The following PJA2 variants were observed in gnomAD, a reference collection of about 807,000 sequenced individuals.
PJA2 encodes praja ring finger ubiquitin ligase 2, also known as E3 ubiquitin-protein ligase Praja-2.
A neutral mutation model predicts 69.3 loss-of-function variants in PJA2; 25 were observed. The ratio of observed to expected loss-of-function variants is 0.36; its 90% CI spans 0.26 to 0.50. The LOEUF (loss-of-function observed/expected upper bound fraction) is 0.50, where lower values mean the gene tolerates loss of function less well. PJA2 is among the 20% of genes least tolerant of loss of function. PJA2 has a pLI of 0.96. For synonymous variants in PJA2, 308 were observed against 277.8 expected (o/e 1.11, Z -1.08); for missense variants, 809 against 830.2 (o/e 0.97, Z 0.31).
chr5:109,384,278 C>T (rs1017947974), intron 1 of PJA2, among the ~76,000 whole-genome samples: 2 of 151,880 alleles, frequency 1.3e-5, no homozygotes, highest in African/African-American at 4.9e-5. Context: ...TGTGTAATGG[C>T]TTATAACAAT....
chr5:109,401,802 TTTTAA>T (rs1747558744), intron 1 of PJA2, among the ~76,000 whole-genome samples: 1 of 152,192 alleles, frequency 6.6e-6, no homozygotes, highest in Non-Finnish European at 1.5e-5. Context: ...AGAAAATCAA[TTTTAA>T]TTTAACTTGT....
intron 1 of PJA2, among the ~76,000 whole-genome samples, chr5:109,404,216 T>C (rs983098800): frequency 1.3e-5 from 2 of 151,696 alleles, no homozygotes; most frequent in East Asian, 2.0e-4. Flanking sequence ...AAGTGGCTTA[T>C]AAACAACAGA....
intron 6 of PJA2, among the ~76,000 whole-genome samples, chr5:109,360,462 CA>C (rs201735026): frequency 2.0e-5 from 3 of 150,446 alleles, no homozygotes; most frequent in Admixed American, 1.3e-4. Flanking sequence ...AGTGGCAAAA[CA>C]AAAAAAAATG....
At position 109,335,522 on chromosome 5, in the gene PJA2, G is replaced by C. The variant is rs751024609; in HGVS notation, c.*1709C>G. The C allele has an allele frequency of 6.6e-6, 1 of 152,136 alleles. No homozygotes were observed. The highest frequency in any genetic ancestry group is 2.4e-5 in the African/African-American group (1 of 41,436). 9.4% of individuals were successfully genotyped at this position (152,136 alleles called of 1,614,324 possible). ...TTATTATAGAGAAATCTTTAGCAAC[G>C]TAAGTTTAACCAGTAAGTGTCACAA... On this transcript the variant is annotated 3_prime_UTR_variant, in exon 10 of 10. Transcript: ENST00000361189.
Position 109,373,995 on chromosome 5 carries a change from A to G in PJA2, c.1283+4209T>C, listed in dbSNP as rs189717434. Among the ~76,000 whole-genome samples the G allele has an allele frequency of 3.9e-5, 6 of 152,312 alleles. No individual in the cohort carries two copies. In the East Asian group the frequency reaches 1.2e-3, roughly 29 times the overall value. Reference sequence around the variant, plus strand: ...TCACAGCCACAAGAAACTCAACTACAGGAGCCTAGGAAAAAGTGAAATTTT... The same window carrying G: ...TCACAGCCACAAGAAACTCAACTACGGGAGCCTAGGAAAAAGTGAAATTTT... On this transcript the variant is annotated intron_variant, in intron 4 of 9. Transcript: ENST00000361189.
chr5:109,377,600 T>C (rs1026248009), intron 4 of PJA2, among the ~76,000 whole-genome samples: 11 of 152,198 alleles, frequency 7.2e-5, no homozygotes, highest in African/African-American at 2.7e-4. Flanking sequence ...GCTCTACCAT[T>C]AAGTTGCTCT....
intron 4 of PJA2, among the ~76,000 whole-genome samples, chr5:109,371,657 CAT>C (rs1297988488): frequency 1.3e-5 from 2 of 152,198 alleles, no homozygotes; most frequent in Non-Finnish European, 2.9e-5. Context: ...CTTCAATTTA[CAT>C]ATCAAACAGT....
intron 5 of PJA2, among the ~76,000 whole-genome samples, chr5:109,367,196 C>G (rs1360552825): frequency 6.7e-6 from 1 of 148,976 alleles, no homozygotes; most frequent in Non-Finnish European, 1.5e-5. Flanking sequence ...ATATATATCT[C>G]TCTCATGAAG....
In PJA2 at chr5:109,368,938, G is replaced by A. The variant is rs79944280; in HGVS notation, c.1284-192C>T. Among the ~76,000 whole-genome samples the A allele has an allele frequency of 1.3e-3, 200 of 152,152 alleles. 2 individuals carry two copies. Among genetic ancestry groups the A allele is most frequent in the Non-Finnish European group, 4.0e-4 (27 of 67,994 alleles). On this transcript the variant is annotated intron_variant, in intron 4 of 9. Coordinates refer to ENST00000361189, the MANE Select transcript of PJA2 (RefSeq NM_014819.5). ...GGGGTGTATCCTTCATAAGAGTTTA[G>A]CATTATCCCCTTGGTACTGTTCTTG...
intron 1 of PJA2, among the ~76,000 whole-genome samples, chr5:109,386,244 T>C (rs1216480957): frequency 6.6e-6 from 1 of 152,084 alleles, no homozygotes; most frequent in Non-Finnish European, 1.5e-5. Context: ...AATACTGAAG[T>C]GTGAACACCA....
At chr5:109,340,939 G>C in intron 9 of PJA2, among the ~76,000 whole-genome samples, 1 of 125,910 alleles carries the variant, frequency 7.9e-6, no homozygotes. Context: ...CGTTCACTCA[G>C]TGCTCAATGG....
chr5:109,354,117 A>G (rs1476340672), intron 7 of PJA2, among the ~76,000 whole-genome samples: 3 of 97,948 alleles, frequency 3.1e-5, no homozygotes, highest in Admixed American at 9.7e-5. Context: ...TAGATTAGAT[A>G]TCTATGGTAT....
At chr5:109,398,630 G>C (rs1215243226) in intron 1 of PJA2, among the ~76,000 whole-genome samples, 5 of 142,752 alleles carry the variant, frequency 3.5e-5, no homozygotes, top group Non-Finnish European at 6.1e-5. Flanking sequence ...GCCTGTTGTG[G>C]GGTGGGGGAG....
chr5:109,404,495 G>A (rs1004785708), intron 1 of PJA2, among the ~76,000 whole-genome samples: 9 of 151,734 alleles, frequency 5.9e-5, no homozygotes, highest in African/African-American at 1.5e-4. Context: ...CAGCCTAGCC[G>A]ACAGAGCAAG....
chr5:109,351,664 G>C (rs1762253696), intron 7 of PJA2, among the ~76,000 whole-genome samples: 1 of 151,816 alleles, frequency 6.6e-6, no homozygotes, highest in African/African-American at 2.4e-5. Flanking sequence ...TCAAATTAGA[G>C]ACACAGATAT....
chr5:109,354,688 A>G, intron 7 of PJA2, among the ~76,000 whole-genome samples: 1 of 147,386 alleles, frequency 6.8e-6, no homozygotes, highest in South Asian at 2.1e-4. Flanking sequence ...GAGATCATTT[A>G]AAGACAAATT....
intron 5 of PJA2, among the ~76,000 whole-genome samples, chr5:109,366,562 C>T (rs1377638173): frequency 6.6e-6 from 1 of 152,210 alleles, no homozygotes; most frequent in Admixed American, 6.5e-5. Flanking sequence ...TACCTTCTTT[C>T]ACATCACTGT....
At chr5:109,405,432 T>G (rs370876715) in intron 1 of PJA2, among the ~76,000 whole-genome samples, 1 of 152,178 alleles carries the variant, frequency 6.6e-6, no homozygotes, top group African/African-American at 2.4e-5. Flanking sequence ...CTCTAAAAGC[T>G]TTACGGTAAA....
chr5:109,380,608 G>T (rs1430362534), intron 3 of PJA2, among the ~76,000 whole-genome samples: 2 of 151,910 alleles, frequency 1.3e-5, no homozygotes, highest in Non-Finnish European at 2.9e-5. Flanking sequence ...AGGAGTTCGA[G>T]ACCAGCCTGG....
Sources: gnomAD v4.1 joint callset for allele counts (sites outside exome capture counted in the v4.1 genomes callset) on GRCh38, gnomAD v4.1.1 for gene constraint, MANE v1.5 for transcripts, NCBI Gene and HGNC (gene_info 2026-07-23, HGNC 2026-07-21) for gene names.